The following KIRREL3 variants were observed in gnomAD, a reference collection of about 807,000 sequenced individuals.
The protein encoded by KIRREL3 is kin of IRRE-like protein 3.
KIRREL3 carries 36 observed loss-of-function variants against 89.7 expected under a neutral mutation model. The observed-to-expected ratio is 0.40, with a 90% CI of 0.31 to 0.53. The LOEUF (loss-of-function observed/expected upper bound fraction) is 0.53. Ranked by LOEUF, KIRREL3 falls within the 20% of genes least tolerant of loss-of-function variation. The pLI is 0.49. For synonymous variants in KIRREL3, 445 were observed against 441.4 expected, an observed-to-expected ratio of 1.01 and a Z score of -0.10; for missense variants, 864 against 1,056.6, an observed-to-expected ratio of 0.82 and a Z score of 2.53.
At chr11:127,001,666 A>G (rs1194370177), upstream of KIRREL3, among the ~76,000 whole-genome samples, 9 of 151,848 alleles carry the variant, frequency 5.9e-5, no homozygotes, top group African/African-American at 2.2e-4. Flanking sequence ...CTCAAATCAA[A>G]CTCGGTTTCC....
intron 1 of KIRREL3, among the ~76,000 whole-genome samples, chr11:126,749,655 A>T (rs1323979635): frequency 6.6e-6 from 1 of 150,824 alleles, no homozygotes; most frequent in Non-Finnish European, 1.5e-5. Context: ...AAAAAAAAAA[A>T]GTCAGCCATT....
intron 1 of KIRREL3, among the ~76,000 whole-genome samples, chr11:126,962,958 C>T (rs1442559578): frequency 6.6e-6 from 1 of 152,086 alleles, no homozygotes; most frequent in African/African-American, 2.4e-5. Flanking sequence ...CCATAAATTG[C>T]TTTTTAGACA....
At position 126,955,999 on chromosome 11, in the gene KIRREL3, G is replaced by A. The variant is rs1205654048; in HGVS notation, c.55+44456C>T. Among the ~76,000 whole-genome samples, 1 of 152,190 alleles carries A rather than the reference G, an allele frequency of 6.6e-6. No individual in the cohort carries two copies. The highest frequency in any genetic ancestry group is 1.9e-4 in the East Asian group (1 of 5,194). ...AAGGGACAGGGAACAATGGGGCCAT[G>A]TTGCCTTCAGGGACCCATTGCTGGG... is the stretch of plus-strand genomic sequence containing the variant. On this transcript the variant is annotated intron_variant, in intron 1 of 16. Transcript: ENST00000525144. The surrounding 1 kb of genome is among the most constrained non-coding windows in gnomAD (Gnocchi z 4.6).
rs1327005881 is a variant in KIRREL3, at chr11:126,685,424, TCA to T, written c.56-122514_56-122513del. ...GCCTTACCAGAGAGAGCGGGATTTC[TCA>T]GACACTGCTAACTTCCCACCTCCAC... On this transcript the variant is annotated intron_variant, in intron 1 of 16. Coordinates refer to ENST00000525144, the MANE Select transcript of KIRREL3 (RefSeq NM_032531.4). This position sits in a 1 kb window ranked among gnomAD's most constrained non-coding sequence, Gnocchi z 5.5. 2.6e-5 allele frequency among the ~76,000 whole-genome samples: 4 copies of T among 152,174 alleles called. No homozygotes were observed. The highest frequency in any genetic ancestry group is 5.9e-5 in the Non-Finnish European group (4 of 68,028).
In KIRREL3 at chr11:126,476,745, G is replaced by T. The variant is rs1372555464; in HGVS notation, c.434-3279C>A. On this transcript the variant is annotated intron_variant, in intron 4 of 16. Coordinates refer to ENST00000525144, the MANE Select transcript of KIRREL3 (RefSeq NM_032531.4). The surrounding 1 kb of genome is among the most constrained non-coding windows in gnomAD (Gnocchi z 6.4). ...GAGAAATCAGCAGTCGCTCTTGGCA[G>T]CTGTGTCTGGCGTGGAAGGGGGCTC... is the stretch of plus-strand genomic sequence containing the variant. 6.6e-6 allele frequency among the ~76,000 whole-genome samples: 1 copy of T among 152,146 alleles called. No individual in the cohort carries two copies. The highest frequency in any genetic ancestry group is 1.5e-5 in the Non-Finnish European group (1 of 68,012).
intron 1 of KIRREL3, among the ~76,000 whole-genome samples, chr11:126,884,579 G>T (rs1779139137): frequency 6.6e-6 from 1 of 152,190 alleles, no homozygotes; most frequent in African/African-American, 2.4e-5. Flanking sequence ...ACAAGGGGAG[G>T]CAAGGTCTCA....
chr11:126,817,191 T>G lies in KIRREL3; in HGVS notation c.55+183264A>C, dbSNP rs1269014046. Among the ~76,000 whole-genome samples, 1 of 152,222 alleles carries G rather than the reference T, an allele frequency of 6.6e-6. No individual in the cohort carries two copies. Among genetic ancestry groups the G allele is most frequent in the Non-Finnish European group, 1.5e-5 (1 of 68,030 alleles). On this transcript the variant is annotated intron_variant, in intron 1 of 16. Transcript: ENST00000525144. The surrounding 1 kb of genome is among the most constrained non-coding windows in gnomAD (Gnocchi z 5.7). ...AGCCAAGTGTATAAAACAGCTCATC[T>G]AAGACCAGAGGAGGCAGAGGGGATA...
At chr11:126,928,865 T>C (rs934221228) in intron 1 of KIRREL3, among the ~76,000 whole-genome samples, 1 of 152,224 alleles carries the variant, frequency 6.6e-6, no homozygotes, top group African/African-American at 2.4e-5. Flanking sequence ...TCTAGTTTAT[T>C]TCTCTGAGCT....
intron 1 of KIRREL3, among the ~76,000 whole-genome samples, chr11:126,654,009 G>T (rs1025014366): frequency 3.3e-5 from 5 of 152,162 alleles, no homozygotes; most frequent in Admixed American, 2.6e-4. Flanking sequence ...TCACAGCGAG[G>T]CCACAGCCCT....
At chr11:126,487,177 G>T (rs913964923) in intron 4 of KIRREL3, among the ~76,000 whole-genome samples, 2 of 152,212 alleles carry the variant, frequency 1.3e-5, no homozygotes, top group Non-Finnish European at 1.5e-5. Flanking sequence ...TGTTTTGCAG[G>T]ATAAAAGCAT....
At position 126,769,466 on chromosome 11, in the gene KIRREL3, C is replaced by T. The variant is rs894862715; in HGVS notation, c.56-206554G>A. Among the ~76,000 whole-genome samples, 6 of 152,140 alleles carry T rather than the reference C, an allele frequency of 3.9e-5. No individual in the cohort carries two copies. Among genetic ancestry groups the T allele is most frequent in the African/African-American group, 1.2e-4 (5 of 41,424 alleles). On this transcript the variant is annotated intron_variant, in intron 1 of 16. Coordinates refer to ENST00000525144, the MANE Select transcript of KIRREL3 (RefSeq NM_032531.4). The surrounding 1 kb of genome is among the most constrained non-coding windows in gnomAD (Gnocchi z 4.3). ...CCATCAAGAAGAGGGGCCCACTCCC[C>T]GTGAAAACCGTGCACTCCTGTCTTC...
chr11:126,908,419 C>G lies in KIRREL3; in HGVS notation c.55+92036G>C, dbSNP rs1946672438. Among the ~76,000 whole-genome samples the G allele has an allele frequency of 6.6e-6, 1 of 152,178 alleles. No individual in the cohort carries two copies. The highest frequency in any genetic ancestry group is 6.5e-5 in the Admixed American group (1 of 15,286). ...CCTCCATCTCTGACCAGCTGTGTGA[C>G]TTTGGGCAAGTCACTTTAACCTCTC... On this transcript the variant is annotated intron_variant, in intron 1 of 16. Coordinates refer to ENST00000525144, the MANE Select transcript of KIRREL3 (RefSeq NM_032531.4). The surrounding 1 kb of genome is among the most constrained non-coding windows in gnomAD (Gnocchi z 4.2).
intron 7 of KIRREL3, among the ~76,000 whole-genome samples, chr11:126,450,270 C>T (rs1410465074): frequency 6.7e-6 from 1 of 149,576 alleles, no homozygotes; most frequent in Admixed American, 6.7e-5. Flanking sequence ...CCTGTGTGTG[C>T]ATGTGTGAGC....
At chr11:126,589,189 T>A (rs568678173) in intron 1 of KIRREL3, among the ~76,000 whole-genome samples, 7 of 152,324 alleles carry the variant, frequency 4.6e-5, no homozygotes, top group Non-Finnish European at 8.8e-5. Context: ...TTCTCCTCTG[T>A]TCATCACGAG....
In KIRREL3 at chr11:126,432,142, C is replaced by T. The variant is rs189249583; in HGVS notation, c.1589-616G>A. On this transcript the variant is annotated intron_variant, in intron 13 of 16. Coordinates refer to ENST00000525144, the MANE Select transcript of KIRREL3 (RefSeq NM_032531.4). The surrounding 1 kb of genome is among the most constrained non-coding windows in gnomAD (Gnocchi z 6.2). ...CAGGGTTACAGCTTCTCCACTGCCA[C>T]CTCTCTAAGGAGAGAGGCCCCTTTC... 2.4e-3 allele frequency among the ~76,000 whole-genome samples: 365 copies of T among 152,258 alleles called. No homozygotes were observed. The highest frequency in any genetic ancestry group is 2.9e-3 in the Non-Finnish European group (195 of 68,010).
intron 1 of KIRREL3, among the ~76,000 whole-genome samples, chr11:126,810,260 T>C (rs973200869): frequency 6.6e-6 from 1 of 152,154 alleles, no homozygotes; most frequent in African/African-American, 2.4e-5. Flanking sequence ...AAATCTTCTA[T>C]TCACACCTCT....
chr11:126,722,158 C>T (rs958251099), intron 1 of KIRREL3, among the ~76,000 whole-genome samples: 1 of 152,244 alleles, frequency 6.6e-6, no homozygotes, highest in African/African-American at 2.4e-5. Context: ...CTCCTCCATC[C>T]CAATCTATCT....
chr11:126,456,296 C>T (rs1956342119), intron 7 of KIRREL3, 53 bp downstream of exon 7: 1 of 1,259,784 alleles, frequency 7.9e-7, no homozygotes, highest in Admixed American at 2.0e-5. Context: ...ACGTGAGAGG[C>T]ACGGGGGTGG....
Position 126,477,847 on chromosome 11 carries a change from C to G in KIRREL3, c.434-4381G>C, listed in dbSNP as rs970664184. Among the ~76,000 whole-genome samples, 1 of 152,180 alleles carries G rather than the reference C, an allele frequency of 6.6e-6. No homozygotes were observed. The highest frequency in any genetic ancestry group is 1.5e-5 in the Non-Finnish European group (1 of 68,038). ...TGGAGGGGTGGGGGACCAGCAGCAC[C>G]ACCCTCCTGCCCCCATACTGCATGG... On this transcript the variant is annotated intron_variant, in intron 4 of 16. Transcript: ENST00000525144. This position sits in a 1 kb window ranked among gnomAD's most constrained non-coding sequence, Gnocchi z 4.8.
Sources: gnomAD v4.1 joint callset for allele counts (sites outside exome capture counted in the v4.1 genomes callset) on GRCh38, gnomAD v4.1.1 for gene constraint, Gnocchi (gnomAD v3.1) non-coding constraint, MANE v1.5 for transcripts, NCBI Gene and HGNC (gene_info 2026-07-23, HGNC 2026-07-21) for gene names.